RBSN: variants seen among roughly 807,000 people sequenced by gnomAD.
The protein encoded by RBSN is rabenosyn-5.
A neutral mutation model predicts 60.5 loss-of-function variants in RBSN; 34 were observed. The ratio of observed to expected loss-of-function variants is 0.56; its 90% confidence interval spans 0.43 to 0.75. RBSN has a LOEUF of 0.75. Ranked by LOEUF, RBSN falls within the 30% of genes least tolerant of loss-of-function variation. RBSN has a pLI of 0.00. For synonymous variants in RBSN, 322 were observed against 366.9 expected, an observed-to-expected ratio of 0.88 and a Z score of 1.40; for missense variants, 845 against 986.8, an observed-to-expected ratio of 0.86 and a Z score of 1.92.
chr3:15,082,312 C>A lies in RBSN; in HGVS notation c.840+55G>T. ...CCAGAATCTGCAGGAGTGTACATAA[C>A]AAACAGCCAAATCTGCCTAAGAAAT... On this transcript the variant is annotated intron_variant, in intron 9 of 13. Coordinates refer to ENST00000253699, the MANE Select transcript of RBSN (RefSeq NM_022340.4). The surrounding 1 kb of genome is among the most constrained non-coding windows in gnomAD (Gnocchi z 4.2). 6.3e-7 allele frequency: 1 copy of A among 1,587,906 alleles called. No homozygotes were observed. The highest frequency in any genetic ancestry group is 1.1e-5 in the South Asian group (1 of 88,744).
chr3:15,075,377 C>T, intron 13 of RBSN: 1 of 665,310 alleles, frequency 1.5e-6, no homozygotes, highest in Non-Finnish European at 2.8e-6. Context: ...GGTATTCTAG[C>T]CATGAGAGAA....
chr3:15,086,545 G>A (rs138084188), intron 5 of RBSN, among the ~76,000 whole-genome samples: 1 of 152,090 alleles, frequency 6.6e-6, no homozygotes, highest in Non-Finnish European at 1.5e-5. Flanking sequence ...CTATCAAATG[G>A]AATAATAATG....
intron 1 of RBSN, among the ~76,000 whole-genome samples, chr3:15,098,672 C>T (rs1336976738): frequency 1.3e-5 from 2 of 152,066 alleles, no homozygotes; most frequent in Non-Finnish European, 2.9e-5. Context: ...GTGAAGCAGA[C>T]ATGACAACGT....
chr3:15,077,287 A>ACGC lies in RBSN; in HGVS notation c.999-124_999-123insGCG. 4 of 803,208 alleles carry ACGC rather than the reference A, an allele frequency of 5.0e-6. No individual in the cohort carries two copies. Among genetic ancestry groups the ACGC allele is most frequent in the Non-Finnish European group, 8.3e-6 (4 of 482,808 alleles). The allele number at this position is 803,208 out of a possible 1,614,324, so 49.8% of individuals were successfully genotyped here. ...GAAGGTGTGTAAAGATGGACAAGTG[A>ACGC]CTCCATTGAAGTTTCTTTGAAGGCA... is the stretch of plus-strand genomic sequence containing the variant. On this transcript the variant is annotated intron_variant, in intron 11 of 13. Coordinates refer to ENST00000253699, the MANE Select transcript of RBSN (RefSeq NM_022340.4). The surrounding 1 kb of genome is among the most constrained non-coding windows in gnomAD (Gnocchi z 4.4).
chr3:15,092,909 C>T (rs887718687), intron 4 of RBSN, among the ~76,000 whole-genome samples: 3 of 152,196 alleles, frequency 2.0e-5, no homozygotes, highest in Admixed American at 6.5e-5. Flanking sequence ...CCAGAAAGGA[C>T]ATAGCCCTTC....
At position 15,082,715 on chromosome 3, in the gene RBSN, G is replaced by A. The variant is rs1335866135; in HGVS notation, c.599-107C>T. 2 of 1,470,890 alleles carry A rather than the reference G, an allele frequency of 1.4e-6. No individual in the cohort carries two copies. The highest frequency in any genetic ancestry group is 2.8e-5 in the African/African-American group (2 of 71,792). 91.1% of individuals were successfully genotyped at this position (1,470,890 alleles called of 1,614,324 possible). A position where few individuals can be genotyped will look rare whatever the true frequency, so the allele number is the denominator to read the frequency against. ...AGGTGTTTGATTTGGAGAGTAATAAGATCAGGCTCCAGCTGTGGGCACGTA... is the reference window on the plus strand; with the variant it reads ...AGGTGTTTGATTTGGAGAGTAATAAAATCAGGCTCCAGCTGTGGGCACGTA... On this transcript the variant is annotated intron_variant, in intron 8 of 13. Coordinates refer to ENST00000253699, the MANE Select transcript of RBSN (RefSeq NM_022340.4). The surrounding 1 kb of genome is among the most constrained non-coding windows in gnomAD (Gnocchi z 4.2).
At chr3:15,086,404 G>T (rs1040619938) in intron 5 of RBSN, among the ~76,000 whole-genome samples, 1 of 152,236 alleles carries the variant, frequency 6.6e-6, no homozygotes, top group Non-Finnish European at 1.5e-5. Context: ...AGTACCATAT[G>T]AGAGACCTGA....
Position 15,074,748 on chromosome 3 carries a change from G to C in RBSN, c.1389C>G (p.Ile463Met). ...SEDSDPLLQQIHNITSFIRQA... is the reference protein window; with the variant it reads ...SEDSDPLLQQMHNITSFIRQA... ...GCCTGATGAATGATGTGATGTTGTG[G>C]ATCTGCTGGAGGAGCGGGTCTGAGT... The change falls in exon 14 of 14, where the codon ATC becomes ATG. Residue 463 changes from isoleucine to methionine, a missense_variant. Physicochemically the swap from Ile to Met is conservative, Grantham distance 10. Coordinates refer to ENST00000253699, the MANE Select transcript of RBSN (RefSeq NM_022340.4). This position sits in a 1 kb window ranked among gnomAD's most constrained non-coding sequence, Gnocchi z 6.4. The C allele has an allele frequency of 6.2e-7, 1 of 1,614,270 alleles. No homozygotes were observed. The highest frequency in any genetic ancestry group is 8.5e-7 in the Non-Finnish European group (1 of 1,180,048).
Position 15,077,051 on chromosome 3 carries a change from G to C in RBSN, c.1101+11C>G. 7 of 1,613,458 alleles carry C rather than the reference G, an allele frequency of 4.3e-6. No homozygotes were observed. The highest frequency in any genetic ancestry group is 5.9e-6 in the Non-Finnish European group (7 of 1,179,416). ...AAGTGCAACATTTATGCCAACCCAG[G>C]ATGGCTTTACCTGCACAAAAAGTGT... On this transcript the variant is annotated intron_variant, in intron 12 of 13. Coordinates refer to ENST00000253699, the MANE Select transcript of RBSN (RefSeq NM_022340.4). This position sits in a 1 kb window ranked among gnomAD's most constrained non-coding sequence, Gnocchi z 4.4.
rs34911587 is a variant in RBSN, at chr3:15,073,480, CG to C, written c.*301del. ...AACAGAGCTGCATTTAGTTATATCT[CG>C]GTAGTAAAAATGTAAAGTCCCTTCA... On this transcript the variant is annotated 3_prime_UTR_variant, in exon 14 of 14. Coordinates refer to ENST00000253699, the MANE Select transcript of RBSN (RefSeq NM_022340.4). The C allele has an allele frequency of 7.4e-4, 247 of 333,948 alleles. No homozygotes were observed. The highest frequency in any genetic ancestry group is 4.9e-3 in the African/African-American group (229 of 47,028). The allele number at this position is 333,948 out of a possible 1,614,324, so 20.7% of individuals were successfully genotyped here.
chr3:15,073,836 C>T lies in RBSN; in HGVS notation c.2301G>A (p.Glu767=). ...GGGTGTGCTTCAGCTCCCGCAGATT[C>T]TCTGTCAGCACCTCTACCTCATCCA... The part of the protein sequence containing the change: ...GRLDEVEVLT[E]NLRELKHTLA... The change falls in exon 14 of 14, where the codon GAG becomes GAA. Residue 767 remains glutamate (E), a synonymous_variant. Transcript: ENST00000253699. 1 of 1,613,622 alleles carries T rather than the reference C, an allele frequency of 6.2e-7. No individual in the cohort carries two copies. The highest frequency in any genetic ancestry group is 8.5e-7 in the Non-Finnish European group (1 of 1,179,870).
intron 5 of RBSN, chr3:15,086,192 G>A: frequency 2.1e-6 from 1 of 470,174 alleles, no homozygotes; most frequent in Non-Finnish European, 3.8e-6. Flanking sequence ...GAGCTCAGGA[G>A]CTGGAGGCTT....
At position 15,090,605 on chromosome 3, in the gene RBSN, T is replaced by C. The variant is rs1049163433; in HGVS notation, c.149-66A>G. 20 of 1,551,708 alleles carry C rather than the reference T, an allele frequency of 1.3e-5. No individual in the cohort carries two copies. The Middle Eastern group carries it at 6.9e-4, about 54-fold the overall frequency. On this transcript the variant is annotated intron_variant, in intron 4 of 13. Coordinates refer to ENST00000253699, the MANE Select transcript of RBSN (RefSeq NM_022340.4). The stretch of plus-strand genomic sequence containing the variant: ...ACACCCAGTAAACAGTCAAAAGAAA[T>C]CTCAAAAAACAAGAGTTGACGAAAT...
intron 5 of RBSN, among the ~76,000 whole-genome samples, chr3:15,086,606 A>G (rs928426310): frequency 2.6e-5 from 4 of 152,282 alleles, no homozygotes; most frequent in African/African-American, 9.6e-5. Context: ...TAAAATTTGT[A>G]AAGTCTTAAC....
Position 15,074,745 on chromosome 3 carries a change from G to T in RBSN, c.1392C>A (p.His464Gln), listed in dbSNP as rs1449513459. ...EDSDPLLQQI[H>Q]NITSFIRQAK... ...CCTGCCTGATGAATGATGTGATGTT[G>T]TGGATCTGCTGGAGGAGCGGGTCTG... The change falls in exon 14 of 14, where the codon CAC becomes CAA. Residue 464 changes from histidine (H) to glutamine (Q), a missense_variant. Coordinates refer to ENST00000253699, the MANE Select transcript of RBSN (RefSeq NM_022340.4). The surrounding 1 kb of genome is among the most constrained non-coding windows in gnomAD (Gnocchi z 6.4). 2 of 1,614,144 alleles carry T rather than the reference G, an allele frequency of 1.2e-6. No individual in the cohort carries two copies. Among genetic ancestry groups the T allele is most frequent in the Non-Finnish European group, 8.5e-7 (1 of 1,180,056 alleles).
intron 4 of RBSN, chr3:15,091,506 A>G: frequency 7.8e-7 from 1 of 1,285,496 alleles, no homozygotes; most frequent in Non-Finnish European, 1.0e-6. Context: ...ACAACATAAC[A>G]CAAACAGAAC....
At chr3:15,094,840 A>T (rs1240857050) in intron 4 of RBSN, among the ~76,000 whole-genome samples, 1 of 152,238 alleles carries the variant, frequency 6.6e-6, no homozygotes, top group African/African-American at 2.4e-5. Flanking sequence ...CCTGTCTGAA[A>T]GCTGAAGTCC....
chr3:15,074,270 G>A lies in RBSN; in HGVS notation c.1867C>T (p.Pro623Ser), dbSNP rs776099752. 11 of 1,613,188 alleles carry A rather than the reference G, an allele frequency of 6.8e-6. 1 individual carries two copies. Among genetic ancestry groups the A allele is most frequent in the Non-Finnish European group, 7.6e-6 (9 of 1,179,534 alleles). Residue 623 changes from proline to serine, a missense_variant, in exon 14 of 14, where the codon CCC becomes TCC. Coordinates refer to ENST00000253699, the MANE Select transcript of RBSN (RefSeq NM_022340.4). This position sits in a 1 kb window ranked among gnomAD's most constrained non-coding sequence, Gnocchi z 6.4. Reference sequence around the variant, plus strand: ...TCCTCATCAAAGGGGTTTAAGGAGGGCCCCTCATGTTGCTGTGGCATGCTG... The same window carrying A: ...TCCTCATCAAAGGGGTTTAAGGAGGACCCCTCATGTTGCTGTGGCATGCTG... ...QSSMPQQHEG[P>S]SLNPFDEEDL...
intron 5 of RBSN, among the ~76,000 whole-genome samples, chr3:15,089,473 A>AAAAAAAC (rs2043444482): frequency 8.3e-5 from 8 of 96,348 alleles, no homozygotes; most frequent in South Asian, 2.6e-4. Context: ...AAAAAAAAAA[A>AAAAAAAC]AAAACAAAAA....
Sources: gnomAD v4.1 joint callset for allele counts (sites outside exome capture counted in the v4.1 genomes callset) on GRCh38, gnomAD v4.1.1 for gene constraint, Gnocchi (gnomAD v3.1) non-coding constraint, MANE v1.5 for transcripts, NCBI Gene and HGNC (gene_info 2026-07-23, HGNC 2026-07-21) for gene names.